SQOR: variants seen among roughly 807,000 people sequenced by gnomAD.
The protein encoded by SQOR is sulfide:quinone oxidoreductase, mitochondrial.
A neutral mutation model predicts 48.6 loss-of-function variants in SQOR; 39 were observed. The ratio of observed to expected loss-of-function variants is 0.80; its 90% CI spans 0.62 to 1.05. The LOEUF (loss-of-function observed/expected upper bound fraction) is 1.05, where lower values mean the gene tolerates loss of function less well. Ranked by LOEUF, SQOR falls within the 50% of genes least tolerant of loss-of-function variation. The pLI, the probability that SQOR is intolerant of heterozygous loss-of-function variation, is 0.00. For synonymous variants in SQOR, 220 were observed against 206.2 expected (o/e 1.07, Z -0.57); for missense variants, 561 against 559.9 (o/e 1.00, Z -0.02).
chr15:45,651,384 C>T (rs1327941657), intron 1 of SQOR, among the ~76,000 whole-genome samples: 1 of 152,208 alleles, frequency 6.6e-6, no homozygotes, highest in Non-Finnish European at 1.5e-5. Context: ...GCCCGCGCCT[C>T]TCCCTCCACA....
intron 6 of SQOR, among the ~76,000 whole-genome samples, chr15:45,677,015 T>A (rs1890048262): frequency 6.8e-6 from 1 of 146,552 alleles, no homozygotes; most frequent in South Asian, 2.1e-4. Context: ...CACTCCAGCC[T>A]GGGTGACAGA....
intron 1 of SQOR, among the ~76,000 whole-genome samples, chr15:45,649,786 T>G (rs1889431675): frequency 6.6e-6 from 1 of 151,972 alleles, no homozygotes; most frequent in South Asian, 2.1e-4. Flanking sequence ...CCTGGCCTCA[T>G]TTTTTAAGAA....
intron 1 of SQOR, among the ~76,000 whole-genome samples, chr15:45,648,700 G>A (rs186324452): frequency 6.6e-6 from 1 of 152,330 alleles, no homozygotes; most frequent in Admixed American, 6.5e-5. Flanking sequence ...TGTACACAGT[G>A]CTCATTCGTG....
chr15:45,644,659 T>C (rs1336162292), intron 1 of SQOR, among the ~76,000 whole-genome samples: 1 of 152,086 alleles, frequency 6.6e-6, no homozygotes, highest in African/African-American at 2.4e-5. Context: ...AGCACCTGCG[T>C]AGGTGAAGGG....
chr15:45,650,333 C>G (rs2140942207), intron 1 of SQOR, among the ~76,000 whole-genome samples: 1 of 152,262 alleles, frequency 6.6e-6, no homozygotes, highest in East Asian at 1.9e-4. Flanking sequence ...TGTTACAGTT[C>G]TTAAAGGCGG....
At chr15:45,685,433 T>G (rs1286630038) in intron 7 of SQOR, among the ~76,000 whole-genome samples, 1 of 152,210 alleles carries the variant, frequency 6.6e-6, no homozygotes, top group Non-Finnish European at 1.5e-5. Context: ...TCATGTCCCC[T>G]TCTCTGCTTC....
chr15:45,660,425 T>C (rs1007173424), intron 2 of SQOR, among the ~76,000 whole-genome samples: 5 of 152,146 alleles, frequency 3.3e-5, no homozygotes, highest in Non-Finnish European at 7.3e-5. Flanking sequence ...TGGCTACTGT[T>C]TCTGGTATAT....
At chr15:45,648,910 T>C (rs557747206) in intron 1 of SQOR, among the ~76,000 whole-genome samples, 11 of 152,296 alleles carry the variant, frequency 7.2e-5, no homozygotes, top group African/African-American at 2.4e-4. Flanking sequence ...CAAAGCAGAG[T>C]GGGCCCAGCC....
intron 5 of SQOR, chr15:45,674,018 C>T: frequency 1.8e-6 from 1 of 558,378 alleles, no homozygotes; most frequent in Non-Finnish European, 3.1e-6. Flanking sequence ...TTCAATTTGA[C>T]ATGGCTTTCC....
At chr15:45,641,956 A>G (rs626808) in intron 1 of SQOR, among the ~76,000 whole-genome samples, 40,869 of 151,816 alleles carry the variant, frequency 0.27, 6,780 homozygotes, top group East Asian at 0.64. Flanking sequence ...TTCAGACCCC[A>G]CCCTCACTGT....
At chr15:45,680,520 A>G (rs1363449467) in intron 6 of SQOR, among the ~76,000 whole-genome samples, 1 of 152,082 alleles carries the variant, frequency 6.6e-6, no homozygotes, top group African/African-American at 2.4e-5. Context: ...CAAGCAAGCC[A>G]TCCTCCTACC....
At chr15:45,665,922 G>A (rs1290861641) in intron 3 of SQOR, among the ~76,000 whole-genome samples, 1 of 152,120 alleles carries the variant, frequency 6.6e-6, no homozygotes, top group African/African-American at 2.4e-5. Context: ...CCTTATTGGT[G>A]AAAGACTGAG....
At chr15:45,649,491 T>TTTTTC (rs1889420208) in intron 1 of SQOR, among the ~76,000 whole-genome samples, 3 of 152,088 alleles carry the variant, frequency 2.0e-5, no homozygotes, top group African/African-American at 7.2e-5. Context: ...TTTTCTTTTT[T>TTTTTC]TTGAGACAGA....
rs375336373 is a variant in SQOR, at chr15:45,686,439, A to G, written c.1049-1898A>G. 4.5e-3 allele frequency among the ~76,000 whole-genome samples: 684 copies of G among 152,230 alleles called. 4 individuals are homozygous for G. Among genetic ancestry groups the G allele is most frequent in the East Asian group, 0.016 (84 of 5,162 alleles). Reference sequence around the variant, plus strand: ...AGTGCTGGGATTACAGGCGTGAGCCACCGCGCCCGGCCTCATTTAATATTT... The same window carrying G: ...AGTGCTGGGATTACAGGCGTGAGCCGCCGCGCCCGGCCTCATTTAATATTT... On this transcript the variant is annotated intron_variant, in intron 7 of 9. Transcript: ENST00000260324.
At chr15:45,658,183 T>C (rs1889647730) in intron 1 of SQOR, among the ~76,000 whole-genome samples, 1 of 152,222 alleles carries the variant, frequency 6.6e-6, no homozygotes, top group Admixed American at 6.5e-5. Context: ...ATTCCTTCCA[T>C]AAAATATAAC....
intron 1 of SQOR, among the ~76,000 whole-genome samples, chr15:45,642,958 T>C (rs2083728): frequency 0.36 from 55,256 of 151,986 alleles, 11,233 homozygotes; most frequent in East Asian, 0.73. Context: ...TTGTCAAAAT[T>C]AGCCCATGTG....
At chr15:45,634,968 G>C (rs931444079), upstream of SQOR, 8 of 152,370 alleles carry the variant, frequency 5.3e-5, no homozygotes, top group South Asian at 2.1e-4. Flanking sequence ...GACCTTTCCT[G>C]GGGGGAGCCT....
At chr15:45,690,813 C>A (rs1890309734) in intron 9 of SQOR, among the ~76,000 whole-genome samples, 160 bp from the exon 10 acceptor site, 1 of 152,184 alleles carries the variant, frequency 6.6e-6, no homozygotes, top group African/African-American at 2.4e-5. Flanking sequence ...TAGGTTGTCC[C>A]CTCCTAGTCA....
intron 1 of SQOR, among the ~76,000 whole-genome samples, chr15:45,651,345 C>G (rs574807416): frequency 6.6e-6 from 1 of 152,254 alleles, no homozygotes; most frequent in East Asian, 1.9e-4. Context: ...CGTGCTGGCC[C>G]GCGAGCGTCG....
Sources: gnomAD v4.1 joint callset for allele counts (sites outside exome capture counted in the v4.1 genomes callset) on GRCh38, gnomAD v4.1.1 for gene constraint, MANE v1.5 for transcripts, NCBI Gene and HGNC (gene_info 2026-07-23, HGNC 2026-07-21) for gene names.